The following DAB1 variants were observed in gnomAD, a reference collection of about 807,000 sequenced individuals.
DAB1 encodes DAB adaptor protein 1.
Under a neutral mutation model 64.6 loss-of-function variants are expected in DAB1, and 15 were observed. The ratio of observed to expected loss-of-function variants is 0.23; its 90% confidence interval spans 0.16 to 0.36. The LOEUF (loss-of-function observed/expected upper bound fraction) is 0.36. DAB1 is among the 10% of genes least tolerant of loss of function. DAB1 has a pLI of 1.00. For missense variants in DAB1, 596 were observed against 706.7 expected (o/e 0.84, Z 1.78); for synonymous variants, 235 against 251.9 (o/e 0.93, Z 0.64).
intron 5 of DAB1, chr1:58,048,283 G>C: frequency 1.6e-6 from 2 of 1,268,170 alleles, no homozygotes; most frequent in Non-Finnish European, 2.3e-6. Context: ...AGGGGCCAGA[G>C]CTTCTGCCTC....
Position 57,121,931 on chromosome 1 carries a change from T to C in DAB1, c.306+14612A>G, listed in dbSNP as rs145997440. 2.1e-3 allele frequency among the ~76,000 whole-genome samples: 325 copies of C among 152,160 alleles called. 4 individuals are homozygous for C. The highest frequency in any genetic ancestry group is 7.0e-3 in the African/African-American group (290 of 41,520). On this transcript the variant is annotated intron_variant, in intron 4 of 14. Transcript: ENST00000371236. ...TAAAAAAAAAAGTGGTTTTCTGTGG[T>C]TGTGGGGGGTCAGCCGGAGATGAGG...
intron 3 of DAB1, among the ~76,000 whole-genome samples, chr1:58,421,279 C>T (rs1361380598): frequency 6.6e-6 from 1 of 152,138 alleles, no homozygotes; most frequent in Non-Finnish European, 1.5e-5. Context: ...CTAATAATAC[C>T]TAATTGGGCT....
intron 6 of DAB1, among the ~76,000 whole-genome samples, chr1:57,771,023 C>G (rs997508284): frequency 6.6e-6 from 1 of 152,094 alleles, no homozygotes; most frequent in Non-Finnish European, 1.5e-5. Flanking sequence ...GATGGCAAAC[C>G]CTAGAAACTT....
chr1:57,910,309 A>G (rs1644622507), intron 5 of DAB1, among the ~76,000 whole-genome samples: 1 of 152,156 alleles, frequency 6.6e-6, no homozygotes, highest in Non-Finnish European at 1.5e-5. Context: ...ACTGCTGAGC[A>G]GTGTATACAA....
At chr1:57,826,873 CA>C (rs1652372817) in intron 1 of DAB1, among the ~76,000 whole-genome samples, 1 of 152,062 alleles carries the variant, frequency 6.6e-6, no homozygotes, top group African/African-American at 2.4e-5. Flanking sequence ...GAGCAAGAGA[CA>C]GGGGGAAGGG....
intron 2 of DAB1, among the ~76,000 whole-genome samples, chr1:57,178,308 A>G (rs2100955929): frequency 6.6e-6 from 1 of 152,292 alleles, no homozygotes; most frequent in African/African-American, 2.4e-5. Context: ...TGCAAAAAAA[A>G]AAAAAATGGT....
intron 1 of DAB1, among the ~76,000 whole-genome samples, chr1:57,318,693 G>A (rs1410719486): frequency 7.6e-6 from 1 of 130,742 alleles, no homozygotes; most frequent in African/African-American, 2.9e-5. Flanking sequence ...AATAAATGCA[G>A]TATTAAACTT....
In DAB1 at chr1:57,636,111, A is replaced by AAC. The variant is rs1553202402; in HGVS notation, n.625+13480_625+13481insGT. Among the ~76,000 whole-genome samples the AAC allele has an allele frequency of 6.0e-5, 9 of 149,138 alleles. 1 individual carries two copies. Among genetic ancestry groups the AAC allele is most frequent in the Non-Finnish European group, 1.3e-4 (9 of 67,292 alleles). ...GACACGGTCTCAAAAAAAAAAAAAAAAACAAAAACAAAAAACTGGTGCCCT... is the reference window on the plus strand; with the variant it reads ...GACACGGTCTCAAAAAAAAAAAAAAAACAACAAAAACAAAAAACTGGTGCCCT... On this transcript the variant is annotated intron_variant and non_coding_transcript_variant, in intron 7 of 20. Transcript: ENST00000485760.
At chr1:57,094,107 T>G (rs1321666970) in intron 4 of DAB1, among the ~76,000 whole-genome samples, 4 of 62,280 alleles carry the variant, frequency 6.4e-5, no homozygotes, top group Non-Finnish European at 1.4e-4. Context: ...AGACTCTGCC[T>G]CAAAAAAAAA....
At chr1:57,494,168 T>A (rs980043285) in intron 7 of DAB1, among the ~76,000 whole-genome samples, 2 of 152,170 alleles carry the variant, frequency 1.3e-5, no homozygotes, top group Non-Finnish European at 2.9e-5. Flanking sequence ...AAATCCATAA[T>A]GGGAAAGGAG....
chr1:57,306,933 G>A (rs1674231304), intron 1 of DAB1: 3 of 152,108 alleles, frequency 2.0e-5, no homozygotes, highest in African/African-American at 7.2e-5. Context: ...TTCTCTGCAG[G>A]GTAGCAAAGG....
intron 7 of DAB1, among the ~76,000 whole-genome samples, chr1:57,606,593 T>TATGAAATATATAATATA (rs1645649118): frequency 1.2e-5 from 1 of 80,298 alleles, no homozygotes; most frequent in South Asian, 3.4e-4. Flanking sequence ...TATAATATAT[T>TATGAAATATATAATATA]ATATATTATA....
chr1:57,264,227 G>T (rs1670411235), intron 2 of DAB1, among the ~76,000 whole-genome samples: 2 of 152,020 alleles, frequency 1.3e-5, no homozygotes, highest in African/African-American at 4.8e-5. Context: ...AATATTTATT[G>T]TTCACCTACT....
rs1353005770 is a variant in DAB1 at position 57,076,013 on chromosome 1, G to A, written c.307-3599C>T. On this transcript the variant is annotated intron_variant, in intron 4 of 14. Transcript: ENST00000371236. ...GGAGGGTCATAAATCAGAGGGCTTG[G>A]GGTAAAGGCTGGCCACTGGGCTCTC... 2.6e-5 allele frequency among the ~76,000 whole-genome samples: 4 copies of A among 152,160 alleles called. No homozygotes were observed. The East Asian group carries it at 7.7e-4, about 29-fold the overall frequency.
At chr1:57,440,514 C>G (rs1685900855) in intron 7 of DAB1, among the ~76,000 whole-genome samples, 1 of 150,100 alleles carries the variant, frequency 6.7e-6, no homozygotes, top group South Asian at 2.1e-4. Context: ...GGTGACTGAG[C>G]AAAGAGGAAA....
intron 3 of DAB1, among the ~76,000 whole-genome samples, chr1:58,450,648 G>T (rs186155821): frequency 6.0e-4 from 92 of 152,310 alleles, no homozygotes; most frequent in Admixed American, 1.3e-3. Context: ...CAGCTACTCG[G>T]GAGGTTGAGG....
chr1:57,207,069 A>G (rs1665623695), intron 2 of DAB1, among the ~76,000 whole-genome samples: 3 of 143,132 alleles, frequency 2.1e-5, no homozygotes, highest in African/African-American at 7.8e-5. Flanking sequence ...CCCAGGTTCA[A>G]GTGATTCTCC....
At chr1:57,070,191 A>G (rs1651314834) in intron 7 of DAB1, among the ~76,000 whole-genome samples, 2 of 152,322 alleles carry the variant, frequency 1.3e-5, no homozygotes, top group East Asian at 3.9e-4. Context: ...TGTGAAACTA[A>G]GCATTTATAT....
chr1:58,241,622 G>T (rs1038922537), intron 4 of DAB1, among the ~76,000 whole-genome samples: 1 of 151,998 alleles, frequency 6.6e-6, no homozygotes, highest in Admixed American at 6.6e-5. Context: ...TGAACAAAAT[G>T]ATAAGAAAAA....
Sources: gnomAD v4.1 joint callset for allele counts (sites outside exome capture counted in the v4.1 genomes callset) on GRCh38, gnomAD v4.1.1 for gene constraint, MANE v1.5 for transcripts, NCBI Gene and HGNC (gene_info 2026-07-23, HGNC 2026-07-21) for gene names.